Variants in RBIS observed in about 807,000 individuals in gnomAD.
RBIS encodes ribosome biogenesis factor identified in screen.
RBIS carries 9 observed loss-of-function variants against 9.8 expected under a neutral mutation model. That is an observed-to-expected ratio of 0.92 (90% CI 0.56 to 1.61). RBIS has a LOEUF of 1.61. Among genes scored for constraint, RBIS ranks in the 40% most tolerant of loss-of-function variants. The probability of loss-of-function intolerance (pLI) is 0.00; values close to 1 mark genes in which losing one functional copy is unlikely to be tolerated. For missense variants in RBIS, 103 were observed against 116.0 expected, an observed-to-expected ratio of 0.89 and a Z score of 0.51; for synonymous variants, 35 against 37.9, an observed-to-expected ratio of 0.92 and a Z score of 0.28.
At chr8:85,217,709 T>C (rs1813207233) in intron 1 of RBIS, 2 of 563,920 alleles carry the variant, frequency 3.5e-6, no homozygotes, top group Non-Finnish European at 6.3e-6. Flanking sequence ...TTCTTCCCTG[T>C]ATCCCCAGTA....
chr8:85,216,515 T>G (rs1813161324), intron 2 of RBIS, among the ~76,000 whole-genome samples: 1 of 152,234 alleles, frequency 6.6e-6, no homozygotes, highest in South Asian at 2.1e-4. Flanking sequence ...TCAGGGCCTC[T>G]GCACTTGCTA....
Position 85,214,564 on chromosome 8 carries a change from A to G in RBIS, c.299T>C (p.Leu100Ser), listed in dbSNP as rs752622993. 3.8e-6 allele frequency: 6 copies of G among 1,558,522 alleles called. No homozygotes were observed. In the Admixed American group the frequency reaches 5.0e-5, roughly 13 times the overall value. Residue 100 changes from leucine to serine, a missense_variant, in exon 4 of 4, where the codon TTG (leucine) becomes TCG (serine). Leu to Ser is a moderately radical substitution (Grantham distance 145). Coordinates refer to ENST00000619594, the MANE Select transcript of RBIS (RefSeq NM_001099673.3). ...ATTAGATGCATCACCAGTATATTAC[A>G]ACAGAGCCATTAATCTTGTAGCTTC... The part of the protein sequence containing the change: ...VDEATRLMAL[L>S]
intron 1 of RBIS, chr8:85,217,768 A>C: frequency 2.2e-6 from 1 of 462,878 alleles, no homozygotes; most frequent in East Asian, 4.0e-5. Flanking sequence ...TGAATTCACT[A>C]ATATCATCAA....
At chr8:85,215,292 C>T in intron 2 of RBIS, 1 of 199,432 alleles carries the variant, frequency 5.0e-6, no homozygotes, top group Non-Finnish European at 1.0e-5. Flanking sequence ...TATTGTGATT[C>T]ATAATAAGAT....
intron 2 of RBIS, chr8:85,216,849 T>C (rs1268113795): frequency 1.3e-5 from 2 of 154,342 alleles, no homozygotes; most frequent in Admixed American, 6.5e-5. Flanking sequence ...TTCTTAAAAA[T>C]TTTTCTTAAA....
chr8:85,218,555 T>TA (rs11398985), intron 1 of RBIS: 114,876 of 152,200 alleles, frequency 0.75, 44,155 homozygotes, highest in African/African-American at 0.85. Flanking sequence ...CCTGTCCTTG[T>TA]AGTAAAGTTT....
intron 2 of RBIS, chr8:85,217,149 AG>A (rs1813183244): frequency 3.3e-6 from 2 of 608,328 alleles, no homozygotes; most frequent in South Asian, 4.2e-5. Context: ...ATTAAATTGA[AG>A]CTTCACACAT....
At chr8:85,218,446 T>C (rs1813232046) in intron 1 of RBIS, among the ~76,000 whole-genome samples, 1 of 152,090 alleles carries the variant, frequency 6.6e-6, no homozygotes, top group African/African-American at 2.4e-5. Context: ...TGGTATAGTA[T>C]TGCTTAGTTC....
intron 2 of RBIS, chr8:85,216,083 G>A (rs1411086067): frequency 6.6e-6 from 1 of 152,206 alleles, no homozygotes; most frequent in African/African-American, 2.4e-5. Context: ...ATGAGAGTGA[G>A]AGTAAGAGAA....
intron 1 of RBIS, among the ~76,000 whole-genome samples, chr8:85,218,160 A>G (rs1009253143): frequency 6.6e-6 from 1 of 152,234 alleles, no homozygotes; most frequent in Admixed American, 6.5e-5. Context: ...AATTTTTAAA[A>G]TATTAAGTTA....
In RBIS at chr8:85,217,461, A is replaced by C. The variant is rs747138583; in HGVS notation, c.39T>G (p.Asn13Lys). The change falls in exon 2 of 4, where the codon AAT becomes AAG. Residue 13 changes from asparagine (N) to lysine (K), a missense_variant. Asn to Lys is a moderately conservative substitution (Grantham distance 94, BLOSUM62 0). Coordinates refer to ENST00000619594, the MANE Select transcript of RBIS (RefSeq NM_001099673.3). The stretch of plus-strand genomic sequence containing the variant: ...TTTTTTGGCTGGCTATGTGAAATAC[A>C]TTCCTGGACTTCGGCCCTCTTAATT... ...KNKLRGPKSR[N>K]VFHIASQKNF... The C allele has an allele frequency of 6.2e-6, 10 of 1,612,474 alleles. No homozygotes were observed. The highest frequency in any genetic ancestry group is 8.5e-6 in the Non-Finnish European group (10 of 1,179,644).
intron 1 of RBIS, 112 bp from the exon 2 acceptor site, chr8:85,217,614 A>G: frequency 1.4e-6 from 1 of 692,180 alleles, no homozygotes; most frequent in Non-Finnish European, 2.5e-6. Flanking sequence ...ACTCTTGATT[A>G]TTTTTAAAGT....
chr8:85,217,248 C>G, intron 2 of RBIS, 138 bp downstream of exon 2: 1 of 685,174 alleles, frequency 1.5e-6, no homozygotes, highest in South Asian at 1.6e-5. Context: ...TTTTTTTAGA[C>G]AAATGCTTGA....
intron 1 of RBIS, 35 bp downstream of exon 1, chr8:85,220,271 A>T (rs558798071): frequency 6.6e-6 from 1 of 152,446 alleles, no homozygotes; most frequent in African/African-American, 2.4e-5. Context: ...ACTTCACGCC[A>T]GCCCTCCAGA....
intron 1 of RBIS, chr8:85,218,885 T>C (rs185226558): frequency 1.6e-4 from 24 of 152,364 alleles, no homozygotes; most frequent in African/African-American, 5.5e-4. Flanking sequence ...GTTATGTCCA[T>C]TCAATCATAT....
chr8:85,215,117 T>G, intron 2 of RBIS, 80 bp from the exon 3 acceptor site: 1 of 520,682 alleles, frequency 1.9e-6, no homozygotes. Context: ...ACCTGTTAAA[T>G]CTAAAATCTA....
intron 2 of RBIS, 157 bp from the exon 3 acceptor site, chr8:85,215,194 A>G (rs1295111243): frequency 1.7e-5 from 7 of 416,840 alleles, no homozygotes; most frequent in Non-Finnish European, 3.0e-5. Flanking sequence ...GGGAAATTAC[A>G]GACAAAAAGT....
Position 85,214,324 on chromosome 8 carries a change from T to C in RBIS, c.*236A>G. The C allele has an allele frequency of 3.4e-6, 2 of 589,268 alleles. No individual in the cohort carries two copies. The highest frequency in any genetic ancestry group is 1.8e-5 in the South Asian group (1 of 54,798). The allele number at this position is 589,268 out of a possible 1,614,324, so 36.5% of individuals were successfully genotyped here. ...AAAGTGAAGGATGTAAACGAGGATA[T>C]ATAACTGTTTCAGTGAACAGATTTT... On this transcript the variant is annotated 3_prime_UTR_variant, in exon 4 of 4. Transcript: ENST00000619594.
rs1173765791 is a variant in RBIS, at chr8:85,214,925, T to C, written c.227A>G (p.Glu76Gly). Residue 76 changes from glutamate to glycine, a missense_variant, in exon 3 of 4, where the codon GAA becomes GGA. Glu to Gly is a moderately conservative substitution (Grantham distance 98). Coordinates refer to ENST00000619594, the MANE Select transcript of RBIS (RefSeq NM_001099673.3). ...KSISLEPLQK[E>G]LIPQQRHESK... Reference sequence around the variant, plus strand: ...AAGCAAATGATTTCTGCTTACCAGTTCTTTCTGCAGAGGTTCAAGTGAAAT... The same window carrying C: ...AAGCAAATGATTTCTGCTTACCAGTCCTTTCTGCAGAGGTTCAAGTGAAAT... 2 of 1,526,916 alleles carry C rather than the reference T, an allele frequency of 1.3e-6. No individual in the cohort carries two copies. The highest frequency in any genetic ancestry group is 1.4e-5 in the African/African-American group (1 of 72,238). The allele number at this position is 1,526,916 out of a possible 1,614,324, so 94.6% of individuals were successfully genotyped here. A position where few individuals can be genotyped will look rare whatever the true frequency, so the allele number is the denominator to read the frequency against.
Sources: gnomAD v4.1 joint callset for allele counts (sites outside exome capture counted in the v4.1 genomes callset) on GRCh38, gnomAD v4.1.1 for gene constraint, MANE v1.5 for transcripts, NCBI Gene and HGNC (gene_info 2026-07-23, HGNC 2026-07-21) for gene names.